Variants in PTPRD observed in about 807,000 individuals in gnomAD.
PTPRD encodes the protein receptor-type tyrosine-protein phosphatase delta.
In PTPRD, 34 loss-of-function variants were observed where a neutral mutation model predicts 214.5. The observed-to-expected ratio is 0.16, with a 90% CI of 0.12 to 0.21. The LOEUF is 0.21. Ranked by LOEUF, PTPRD falls within the 10% of genes least tolerant of loss-of-function variation. The pLI is 1.00. For synonymous variants in PTPRD, 1,128 were observed against 845.7 expected (o/e 1.33, Z -5.79); for missense variants, 2,545 against 2,398.7 (o/e 1.06, Z -1.27).
chr9:9,526,981 G>T (rs912901107), intron 8 of PTPRD, among the ~76,000 whole-genome samples: 1 of 151,950 alleles, frequency 6.6e-6, no homozygotes, highest in African/African-American at 2.4e-5. Context: ...AAGGTCAAAG[G>T]TCTTCAGTTT....
At chr9:9,711,106 A>C (rs943246820) in intron 7 of PTPRD, among the ~76,000 whole-genome samples, 1 of 152,184 alleles carries the variant, frequency 6.6e-6, no homozygotes, top group East Asian at 1.9e-4. Context: ...GCGAGACCCT[A>C]AACTGTAATA....
chr9:9,138,778 T>C lies in PTPRD; in HGVS notation c.-143+44526A>G, dbSNP rs547261648. Among the ~76,000 whole-genome samples, 40 of 152,284 alleles carry C rather than the reference T, an allele frequency of 2.6e-4. No individual in the cohort carries two copies. In the South Asian group the frequency reaches 7.9e-3, roughly 30 times the overall value. On this transcript the variant is annotated intron_variant, in intron 10 of 45. Transcript: ENST00000381196. ...CAGAGTTGTTTATCTAGAATAATGT[T>C]TGGCATTAATAAGCATTTTTTTGAT...
At chr9:8,661,976 C>A (rs140927093) in intron 12 of PTPRD, among the ~76,000 whole-genome samples, 1 of 152,260 alleles carries the variant, frequency 6.6e-6, no homozygotes, top group African/African-American at 2.4e-5. Context: ...CAGGTAAAGC[C>A]TTGCTACGTT....
chr9:9,792,576 C>G (rs558223801), intron 5 of PTPRD, among the ~76,000 whole-genome samples: 174 of 152,230 alleles, frequency 1.1e-3, no homozygotes, highest in African/African-American at 4.1e-3. Flanking sequence ...ATGTCTCACA[C>G]TGAAAACTGA....
At chr9:9,337,290 G>A (rs1370250372) in intron 9 of PTPRD, among the ~76,000 whole-genome samples, 1 of 152,132 alleles carries the variant, frequency 6.6e-6, no homozygotes, top group Non-Finnish European at 1.5e-5. Context: ...TGAAAGCAGG[G>A]TAAAGGGAAA....
intron 2 of PTPRD, among the ~76,000 whole-genome samples, chr9:10,477,482 C>T (rs2099070642): frequency 6.6e-6 from 1 of 152,122 alleles, no homozygotes; most frequent in South Asian, 2.1e-4. Context: ...CAGGAAACAA[C>T]AGATGTTGAA....
chr9:9,274,971 C>G (rs1421821246), intron 9 of PTPRD, among the ~76,000 whole-genome samples: 4 of 138,062 alleles, frequency 2.9e-5, no homozygotes, highest in Non-Finnish European at 4.6e-5. Flanking sequence ...AGAAGTCTTG[C>G]AATCTAATTT....
At chr9:9,123,976 T>C (rs1255895105) in intron 10 of PTPRD, among the ~76,000 whole-genome samples, 3 of 152,026 alleles carry the variant, frequency 2.0e-5, no homozygotes, top group Admixed American at 2.0e-4. Flanking sequence ...TGGGCAGCTA[T>C]TGGTTTATGT....
chr9:9,498,216 TG>T (rs1427467562), intron 8 of PTPRD, among the ~76,000 whole-genome samples: 3 of 152,160 alleles, frequency 2.0e-5, no homozygotes, highest in African/African-American at 7.2e-5. Context: ...TTATGCTCTT[TG>T]AGTGGCATTC....
chr9:9,930,269 T>A (rs545771849), intron 5 of PTPRD, among the ~76,000 whole-genome samples: 1 of 152,122 alleles, frequency 6.6e-6, no homozygotes, highest in East Asian at 1.9e-4. Context: ...GTCACAGAAT[T>A]GGGAATATCG....
At chr9:8,365,135 AT>A (rs1174229679) in intron 39 of PTPRD, among the ~76,000 whole-genome samples, 1 of 149,798 alleles carries the variant, frequency 6.7e-6, no homozygotes, top group Non-Finnish European at 1.5e-5. Flanking sequence ...CAACTCTGAA[AT>A]TTAAAAAAAA....
At chr9:9,692,963 A>G (rs1228207634) in intron 7 of PTPRD, among the ~76,000 whole-genome samples, 1 of 151,996 alleles carries the variant, frequency 6.6e-6, no homozygotes, top group Non-Finnish European at 1.5e-5. Flanking sequence ...TGATTACTGT[A>G]TGTTGATTTT....
chr9:9,875,951 A>G (rs978199847), intron 5 of PTPRD, among the ~76,000 whole-genome samples: 1 of 152,084 alleles, frequency 6.6e-6, no homozygotes, highest in African/African-American at 2.4e-5. Flanking sequence ...AGAGAGACAT[A>G]TGACTACTGC....
chr9:8,832,380 A>G (rs1303186303), intron 11 of PTPRD, among the ~76,000 whole-genome samples: 1 of 150,044 alleles, frequency 6.7e-6, no homozygotes, highest in Non-Finnish European at 1.5e-5. Context: ...AAAAGATGTC[A>G]AATGTAAAGC....
chr9:8,474,713 A>G (rs560309505), intron 30 of PTPRD, among the ~76,000 whole-genome samples: 1 of 152,240 alleles, frequency 6.6e-6, no homozygotes, highest in African/African-American at 2.4e-5. Context: ...ACCCCACTAG[A>G]AGATGGCCTC....
intron 12 of PTPRD, among the ~76,000 whole-genome samples, chr9:8,646,379 A>C (rs1361686203): frequency 6.6e-6 from 1 of 152,208 alleles, no homozygotes; most frequent in Non-Finnish European, 1.5e-5. Flanking sequence ...AACCAACTTT[A>C]ATAGCTTACT....
intron 8 of PTPRD, among the ~76,000 whole-genome samples, chr9:9,563,273 C>A (rs550074983): frequency 1.3e-5 from 2 of 152,202 alleles, no homozygotes; most frequent in East Asian, 1.9e-4. Flanking sequence ...GTGCGCTGTG[C>A]AAATTTGCTG....
intron 3 of PTPRD, among the ~76,000 whole-genome samples, chr9:10,107,097 T>A (rs2098640862): frequency 6.6e-6 from 1 of 150,704 alleles, no homozygotes; most frequent in Non-Finnish European, 1.5e-5. Flanking sequence ...ATGAGGGGAA[T>A]ATGTGGGTTT....
At chr9:9,691,558 T>C (rs2097271419) in intron 7 of PTPRD, among the ~76,000 whole-genome samples, 2 of 152,160 alleles carry the variant, frequency 1.3e-5, no homozygotes, top group Middle Eastern at 6.8e-3. Flanking sequence ...TGCTTTTACA[T>C]TTTGGCTACT....
Sources: allele counts gnomAD v4.1 joint callset (sites outside exome capture counted in the v4.1 genomes callset), GRCh38; gene constraint gnomAD v4.1.1; transcripts MANE v1.5; gene names NCBI Gene and HGNC (gene_info 2026-07-23, HGNC 2026-07-21).